Variants in LAMP3 observed in about 807,000 individuals in gnomAD.
LAMP3 encodes the protein lysosome-associated membrane glycoprotein 3.
In LAMP3, 26 loss-of-function variants were observed where a neutral mutation model predicts 34.8. The ratio of observed to expected loss-of-function variants is 0.75; its 90% confidence interval spans 0.55 to 1.04. The LOEUF (loss-of-function observed/expected upper bound fraction) is 1.04, where lower values mean the gene tolerates loss of function less well. Ranked by LOEUF, LAMP3 falls within the 50% of genes least tolerant of loss-of-function variation. The probability of loss-of-function intolerance (pLI) is 0.00; values close to 1 mark genes in which losing one functional copy is unlikely to be tolerated. For synonymous variants in LAMP3, 180 were observed against 201.9 expected (o/e 0.89, Z 0.92); for missense variants, 495 against 524.0 (o/e 0.94, Z 0.54).
chr3:183,145,034 C>A (rs1720399043), intron 3 of LAMP3, among the ~76,000 whole-genome samples: 1 of 152,184 alleles, frequency 6.6e-6, no homozygotes, highest in Non-Finnish European at 1.5e-5. Flanking sequence ...CGAGCCAGGG[C>A]TGGAGACCTA....
intron 1 of LAMP3, among the ~76,000 whole-genome samples, chr3:183,156,328 T>C (rs1348914737): frequency 6.6e-6 from 1 of 151,704 alleles, no homozygotes; most frequent in Non-Finnish European, 1.5e-5. Flanking sequence ...GCCATTGCAC[T>C]CTAGCCTGGG....
At chr3:183,130,348 C>T (rs1031238124) in intron 5 of LAMP3, among the ~76,000 whole-genome samples, 6 of 151,958 alleles carry the variant, frequency 3.9e-5, no homozygotes, top group Admixed American at 3.3e-4. Flanking sequence ...TTAGTAGAAA[C>T]GGGGTTTCAC....
In LAMP3 at chr3:183,130,235, T is replaced by A. The variant is rs988506652; in HGVS notation, c.1117+5482A>T. ...GTACAGTGGTGCCATCTTGGCTCAC[T>A]GCAAGCTCTGCCTCCCGGGTTGACG... On this transcript the variant is annotated intron_variant, in intron 5 of 5. Coordinates refer to ENST00000265598, the MANE Select transcript of LAMP3 (RefSeq NM_014398.4). Among the ~76,000 whole-genome samples the A allele has an allele frequency of 3.4e-5, 5 of 145,974 alleles. No homozygotes were observed. The East Asian group carries it at 1.0e-3, about 30-fold the overall frequency.
At chr3:183,152,050 G>A (rs1720652687) in intron 3 of LAMP3, among the ~76,000 whole-genome samples, 3 of 152,052 alleles carry the variant, frequency 2.0e-5, no homozygotes, top group African/African-American at 7.2e-5. Flanking sequence ...GTTCCTCTGG[G>A]GCCCACTGGG....
In LAMP3 at chr3:183,140,528, A is replaced by G. The variant is rs1403580380; in HGVS notation, c.946+10T>C. On this transcript the variant is annotated intron_variant, in intron 4 of 5. Coordinates refer to ENST00000265598, the MANE Select transcript of LAMP3 (RefSeq NM_014398.4). ...ATGGCTGGTCGAATGGGCATTCTGT[A>G]ATTACTAACCTGGATCTGAGACGGT... 2.6e-6 allele frequency: 4 copies of G among 1,551,250 alleles called. No individual in the cohort carries two copies. Among genetic ancestry groups the G allele is most frequent in the Non-Finnish European group, 3.6e-6 (4 of 1,123,732 alleles).
At chr3:183,145,685 G>T (rs7646607) in intron 3 of LAMP3, among the ~76,000 whole-genome samples, 14 of 151,844 alleles carry the variant, frequency 9.2e-5, no homozygotes, top group Non-Finnish European at 1.3e-4. Flanking sequence ...GCGAAACCCC[G>T]TCTCTACTAA....
rs1720747305 is a variant in LAMP3 at position 183,154,045 on chromosome 3, ATAAG to A, written c.392_395del (p.Pro131LeufsTer43). 6.2e-7 allele frequency: 1 copy of A among 1,613,980 alleles called. No individual in the cohort carries two copies. Among genetic ancestry groups the A allele is most frequent in the South Asian group, 1.1e-5 (1 of 91,082 alleles). On this transcript the variant is annotated frameshift_variant, in exon 2 of 6. Transcript: ENST00000265598. LOFTEE classifies it high-confidence loss of function. ...GTGGGGTGATGGTGGGTGGCAGTGA[ATAAG>A]GGGCTAAGCTAGGGCCGACTGTAAC...
At chr3:183,132,299 G>A (rs147138145) in intron 5 of LAMP3, 28,753 of 917,742 alleles carry the variant, frequency 0.031, 564 homozygotes, top group Middle Eastern at 0.044. Flanking sequence ...TAAAATAATA[G>A]CATATTAAGA....
rs370433931 is a variant in LAMP3, at chr3:183,138,277, A to G, written c.946+2261T>C. ...AAGTGAATTAACATATATGAAAATG[A>G]GTTGTCAACTATGCTATCTTACTTA... is the stretch of plus-strand genomic sequence containing the variant. On this transcript the variant is annotated intron_variant, in intron 4 of 5. Transcript: ENST00000265598. Among the ~76,000 whole-genome samples the G allele has an allele frequency of 6.6e-5, 10 of 152,316 alleles. No individual in the cohort carries two copies. The South Asian group carries it at 2.1e-3, about 32-fold the overall frequency.
chr3:183,124,150 G>C lies in LAMP3; in HGVS notation c.1182C>G (p.Leu394=), dbSNP rs760805222. ...LPVIGAIVVG[L]CLMGMGVYKI... The stretch of plus-strand genomic sequence containing the variant: ...TATAGACACCCATACCCATAAGGCA[G>C]AGACCAACCACGATGGCCCCAATCA... Residue 394 remains leucine, a synonymous_variant, in exon 6 of 6, where the codon CTC becomes CTG. Transcript: ENST00000265598. 14 of 1,612,454 alleles carry C rather than the reference G, an allele frequency of 8.7e-6. No individual in the cohort carries two copies. The highest frequency in any genetic ancestry group is 6.7e-5 in the Admixed American group (4 of 59,514).
At chr3:183,152,131 G>A (rs1387462871) in intron 3 of LAMP3, among the ~76,000 whole-genome samples, 1 of 152,176 alleles carries the variant, frequency 6.6e-6, no homozygotes. Context: ...GGGTGGTTAC[G>A]TTCCCCAGAG....
rs1359077962 is a variant in LAMP3 at position 183,153,990 on chromosome 3, T to C, written c.451A>G (p.Thr151Ala). 2.5e-6 allele frequency: 4 copies of C among 1,614,108 alleles called. No individual in the cohort carries two copies. Among genetic ancestry groups the C allele is most frequent in the Non-Finnish European group, 3.4e-6 (4 of 1,180,016 alleles). Residue 151 changes from threonine (T) to alanine (A), a missense_variant, in exon 2 of 6, where the codon ACC (threonine) becomes GCC (alanine). Thr to Ala is a moderately conservative substitution (Grantham distance 58, BLOSUM62 0). Transcript: ENST00000265598. Reference protein sequence around the residue: ...PAHTTGTSSSTVSHTTGNTTQ... With the variant: ...PAHTTGTSSSAVSHTTGNTTQ... Reference sequence around the variant, plus strand: ...GTGTTCCCAGTTGTGTGGCTGACGGTTGATGAACTGGTTCCAGTTGTATGA... The same window carrying C: ...GTGTTCCCAGTTGTGTGGCTGACGGCTGATGAACTGGTTCCAGTTGTATGA...
intron 4 of LAMP3, among the ~76,000 whole-genome samples, chr3:183,137,504 A>G (rs1358576819): frequency 1.3e-5 from 2 of 152,138 alleles, no homozygotes; most frequent in Non-Finnish European, 2.9e-5. Flanking sequence ...GAATAGTCCC[A>G]CGATGAATTA....
chr3:183,135,572 T>A (rs1720057032), intron 5 of LAMP3, 145 bp downstream of exon 5: 1 of 785,946 alleles, frequency 1.3e-6, no homozygotes, highest in African/African-American at 1.7e-5. Context: ...CAGAGGAGCC[T>A]GGCCCTGTGA....
At chr3:183,136,280 C>T (rs1222317359) in intron 4 of LAMP3, among the ~76,000 whole-genome samples, 1 of 152,026 alleles carries the variant, frequency 6.6e-6, no homozygotes, top group African/African-American at 2.4e-5. Flanking sequence ...GTCACAGAAC[C>T]CTTAATGAAT....
intron 2 of LAMP3, 86 bp from the exon 3 acceptor site, chr3:183,152,589 C>T: frequency 7.8e-7 from 1 of 1,286,498 alleles, no homozygotes; most frequent in Non-Finnish European, 1.1e-6. Flanking sequence ...GTTTGTGAGC[C>T]TGAAACTTAA....
At chr3:183,124,697 T>G (rs1212491511) in intron 5 of LAMP3, among the ~76,000 whole-genome samples, 1 of 152,152 alleles carries the variant, frequency 6.6e-6, no homozygotes, top group Non-Finnish European at 1.5e-5. Flanking sequence ...CCGGGCGTGG[T>G]GGCACATGCC....
intron 3 of LAMP3, among the ~76,000 whole-genome samples, chr3:183,150,299 G>A (rs533169062): frequency 6.6e-6 from 1 of 152,302 alleles, no homozygotes; most frequent in Admixed American, 6.5e-5. Context: ...CGAAGGAATA[G>A]GAAAGGCAGG....
chr3:183,156,897 T>C (rs1995428), intron 1 of LAMP3, among the ~76,000 whole-genome samples: 5,217 of 151,866 alleles, frequency 0.034, 121 homozygotes, highest in Middle Eastern at 0.092. Flanking sequence ...TGAGGGGTGG[T>C]GGAGGTGGGG....
Sources: allele counts gnomAD v4.1 joint callset (sites outside exome capture counted in the v4.1 genomes callset), GRCh38; gene constraint gnomAD v4.1.1; transcripts MANE v1.5; gene names NCBI Gene and HGNC (gene_info 2026-07-23, HGNC 2026-07-21).